Variants in MTHFD2L observed in about 807,000 individuals in gnomAD.
MTHFD2L encodes bifunctional methylenetetrahydrofolate dehydrogenase/cyclohydrolase 2, mitochondrial.
A neutral mutation model predicts 34.9 loss-of-function variants in MTHFD2L; 29 were observed. The observed-to-expected ratio is 0.83, with a 90% CI of 0.62 to 1.13. MTHFD2L has a LOEUF of 1.13. Ranked by LOEUF, MTHFD2L falls within the 50% of genes most tolerant of loss-of-function variation. The probability of loss-of-function intolerance (pLI) is 0.00; values close to 1 mark genes in which losing one functional copy is unlikely to be tolerated. For missense variants in MTHFD2L, 481 were observed against 446.5 expected, an observed-to-expected ratio of 1.08 and a Z score of -0.70; for synonymous variants, 167 against 155.7, an observed-to-expected ratio of 1.07 and a Z score of -0.54.
intron 5 of MTHFD2L, among the ~76,000 whole-genome samples, chr4:74,212,111 T>C (rs1431157135): frequency 6.6e-6 from 1 of 152,158 alleles, no homozygotes; most frequent in Non-Finnish European, 1.5e-5. Context: ...GGTCAATTTA[T>C]TTTGTTAATC....
intron 6 of MTHFD2L, among the ~76,000 whole-genome samples, chr4:74,248,256 G>C (rs572853784): frequency 2.0e-5 from 3 of 152,296 alleles, no homozygotes; most frequent in African/African-American, 7.2e-5. Flanking sequence ...AGATTTTCTA[G>C]TTTATTTGCA....
At chr4:74,193,839 A>G (rs1733007445) in intron 3 of MTHFD2L, among the ~76,000 whole-genome samples, 1 of 152,196 alleles carries the variant, frequency 6.6e-6, no homozygotes, top group South Asian at 2.1e-4. Flanking sequence ...CTCTGCATAA[A>G]CAACTATGCC....
chr4:74,272,383 A>G (rs1578678613), intron 6 of MTHFD2L, among the ~76,000 whole-genome samples: 1 of 152,206 alleles, frequency 6.6e-6, no homozygotes, highest in South Asian at 2.1e-4. Flanking sequence ...GGTCATACCT[A>G]TATCAATCAA....
chr4:74,190,300 T>C (rs1732241688), intron 3 of MTHFD2L, among the ~76,000 whole-genome samples: 1 of 152,194 alleles, frequency 6.6e-6, no homozygotes, highest in Non-Finnish European at 1.5e-5. Context: ...AATTTTAGGA[T>C]CTCCATATAC....
intron 1 of MTHFD2L, among the ~76,000 whole-genome samples, chr4:74,165,891 C>G (rs1223819233): frequency 6.6e-6 from 1 of 152,114 alleles, no homozygotes; most frequent in African/African-American, 2.4e-5. Context: ...TTTCAAAGTA[C>G]TTTTCTTTGA....
intron 6 of MTHFD2L, among the ~76,000 whole-genome samples, chr4:74,278,526 T>C (rs966183271): frequency 2.6e-5 from 4 of 152,146 alleles, no homozygotes; most frequent in Admixed American, 6.6e-5. Context: ...ATGGTTCAGC[T>C]GATCAGTTAT....
intron 1 of MTHFD2L, among the ~76,000 whole-genome samples, chr4:74,168,802 T>A: frequency 6.6e-6 from 1 of 152,012 alleles, no homozygotes; most frequent in East Asian, 1.9e-4. Context: ...GGAGAGAAAT[T>A]TTAGGAGATG....
chr4:74,187,733 TACAC>T (rs35175417), intron 3 of MTHFD2L, among the ~76,000 whole-genome samples: 21,081 of 133,948 alleles, frequency 0.16, 1,695 homozygotes, highest in African/African-American at 0.23. Context: ...AAACGTTAAA[TACAC>T]ACACACACAC....
At chr4:74,144,318 T>A (rs1017470562) in intron 1 of MTHFD2L, among the ~76,000 whole-genome samples, 2 of 152,122 alleles carry the variant, frequency 1.3e-5, no homozygotes, top group Admixed American at 1.3e-4. Context: ...CTGGGCATGG[T>A]GGCAGGCGCC....
rs1560565979 is a variant in MTHFD2L, at chr4:74,290,998, C to CTTTT, written c.931+9449_931+9452dup. 5.6e-4 allele frequency among the ~76,000 whole-genome samples: 26 copies of CTTTT among 46,184 alleles called. 1 individual carries two copies. Among genetic ancestry groups the CTTTT allele is most frequent in the African/African-American group, 1.7e-3 (25 of 14,972 alleles). The allele number at this position is 46,184 out of a possible 152,430, so 30.3% of individuals were successfully genotyped here. A position where few individuals can be genotyped will look rare whatever the true frequency, so the allele number is the denominator to read the frequency against. On this transcript the variant is annotated intron_variant, in intron 7 of 7. Transcript: ENST00000325278. Reference sequence around the variant, plus strand: ...GCTTCCTGTCTTACATTTATTTTTCCTTTTCTTTTTTTTTTTTTTTTTTTT... The same window carrying CTTTT: ...GCTTCCTGTCTTACATTTATTTTTCCTTTTTTTTCTTTTTTTTTTTTTTTTTTTT...
intron 5 of MTHFD2L, among the ~76,000 whole-genome samples, chr4:74,219,741 A>G (rs1344907260): frequency 6.6e-6 from 1 of 152,126 alleles, no homozygotes; most frequent in African/African-American, 2.4e-5. Context: ...CTTCAACATC[A>G]GGTCTTCCGA....
chr4:74,166,883 G>T (rs1486582337), intron 1 of MTHFD2L, among the ~76,000 whole-genome samples: 1 of 152,156 alleles, frequency 6.6e-6, no homozygotes, highest in Admixed American at 6.5e-5. Flanking sequence ...CAACCCCATG[G>T]TTCTAGGTAC....
intron 7 of MTHFD2L, among the ~76,000 whole-genome samples, chr4:74,292,766 A>G (rs950198723): frequency 2.6e-5 from 4 of 152,286 alleles, no homozygotes; most frequent in East Asian, 3.9e-4. Flanking sequence ...GACAGCATCC[A>G]TGGTCAGAAA....
At chr4:74,164,062 G>A (rs1414424380) in intron 1 of MTHFD2L, among the ~76,000 whole-genome samples, 1 of 151,978 alleles carries the variant, frequency 6.6e-6, no homozygotes, top group Non-Finnish European at 1.5e-5. Context: ...TTTTTAGTAG[G>A]GACGGGGTTT....
chr4:74,190,842 T>C (rs1388508503), intron 3 of MTHFD2L, among the ~76,000 whole-genome samples: 1 of 152,210 alleles, frequency 6.6e-6, no homozygotes, highest in Non-Finnish European at 1.5e-5. Flanking sequence ...ATTTATTCCA[T>C]TAAAATATAA....
chr4:74,193,656 A>G (rs1263429929), intron 3 of MTHFD2L, among the ~76,000 whole-genome samples: 1 of 152,078 alleles, frequency 6.6e-6, no homozygotes, highest in Non-Finnish European at 1.5e-5. Flanking sequence ...TAAACAATTT[A>G]CTCCTAAGCA....
chr4:74,230,406 A>G (rs1739832262), intron 6 of MTHFD2L, among the ~76,000 whole-genome samples: 1 of 151,932 alleles, frequency 6.6e-6, no homozygotes, highest in African/African-American at 2.4e-5. Context: ...CCTGTCCAAC[A>G]TGGTGAAACC....
upstream of MTHFD2L, among the ~76,000 whole-genome samples, chr4:74,122,831 T>C (rs1256810210): frequency 1.3e-5 from 2 of 152,202 alleles, no homozygotes; most frequent in Non-Finnish European, 2.9e-5. Flanking sequence ...ATAGATTAGG[T>C]ATTAGCATTA....
chr4:74,171,909 G>A lies in MTHFD2L; in HGVS notation c.144-2597G>A, dbSNP rs183059237. Among the ~76,000 whole-genome samples, 166 of 144,920 alleles carry A rather than the reference G, an allele frequency of 1.1e-3. 2 individuals carry two copies. The highest frequency in any genetic ancestry group is 2.3e-4 in the South Asian group (1 of 4,300). ...CATGATCAAAAACTGGAAAGAACCC[G>A]AATATCCATTAATTACAATCGAATG... On this transcript the variant is annotated intron_variant, in intron 1 of 7. Transcript: ENST00000325278.
Sources: gnomAD v4.1 joint callset for allele counts (sites outside exome capture counted in the v4.1 genomes callset) on GRCh38, gnomAD v4.1.1 for gene constraint, MANE v1.5 for transcripts, NCBI Gene and HGNC (gene_info 2026-07-23, HGNC 2026-07-21) for gene names.